Variants in GTF2IRD1 observed in about 807,000 individuals in gnomAD.
The protein encoded by GTF2IRD1 is GTF2I repeat domain containing 1.
Under a neutral mutation model 113.2 loss-of-function variants are expected in GTF2IRD1, and 26 were observed. The ratio of observed to expected loss-of-function variants is 0.23; its 90% confidence interval spans 0.17 to 0.32. The LOEUF (loss-of-function observed/expected upper bound fraction) is 0.32, where lower values mean the gene tolerates loss of function less well. GTF2IRD1 is among the 10% of genes least tolerant of loss of function. GTF2IRD1 has a pLI of 1.00. For missense variants in GTF2IRD1, 864 were observed against 1,280.8 expected (o/e 0.67, Z 4.97); for synonymous variants, 484 against 529.1 (o/e 0.91, Z 1.17).
chr7:74,558,301 G>T (rs1379462053), intron 20 of GTF2IRD1, among the ~76,000 whole-genome samples: 5 of 145,752 alleles, frequency 3.4e-5, no homozygotes, highest in Non-Finnish European at 7.5e-5. Context: ...AAAAAAAATG[G>T]AGCATATGAC....
intron 13 of GTF2IRD1, among the ~76,000 whole-genome samples, chr7:74,539,530 G>A (rs1437377265): frequency 1.3e-5 from 2 of 152,062 alleles, no homozygotes; most frequent in Non-Finnish European, 2.9e-5. Context: ...CATCACCTGA[G>A]GTCAGGAGTT....
chr7:74,565,721 G>A (rs1190233502), intron 22 of GTF2IRD1, among the ~76,000 whole-genome samples: 4 of 152,050 alleles, frequency 2.6e-5, no homozygotes, highest in African/African-American at 9.7e-5. Context: ...TATAATCCCA[G>A]CGCTTTGGGA....
At chr7:74,592,598 G>A (rs1175818796) in intron 24 of GTF2IRD1, among the ~76,000 whole-genome samples, 6 of 150,538 alleles carry the variant, frequency 4.0e-5, no homozygotes, top group South Asian at 2.1e-4. Flanking sequence ...GCAATGGCAC[G>A]ATCTCAGCTC....
intron 1 of GTF2IRD1, among the ~76,000 whole-genome samples, chr7:74,496,631 T>G (rs1584522725): frequency 6.6e-6 from 1 of 150,914 alleles, no homozygotes; most frequent in South Asian, 2.1e-4. Flanking sequence ...CGTGTGGGTG[T>G]GCATGTATGT....
intron 22 of GTF2IRD1, among the ~76,000 whole-genome samples, chr7:74,578,854 C>T (rs1297614337): frequency 1.3e-5 from 2 of 151,698 alleles, no homozygotes; most frequent in African/African-American, 2.4e-5. Context: ...AAAAATTAGC[C>T]AGGCATGGTG....
chr7:74,577,698 C>T (rs1217511964), intron 22 of GTF2IRD1, among the ~76,000 whole-genome samples: 2 of 151,858 alleles, frequency 1.3e-5, no homozygotes, highest in Admixed American at 6.6e-5. Flanking sequence ...CTTGCCCAGG[C>T]AGGAGTGCAG....
chr7:74,521,924 G>A (rs1451876696), intron 7 of GTF2IRD1, among the ~76,000 whole-genome samples: 7 of 152,152 alleles, frequency 4.6e-5, no homozygotes, highest in Admixed American at 4.6e-4. Flanking sequence ...AATGTTGGCT[G>A]GGGCTGCTGT....
At chr7:74,513,910 G>A (rs1796775336) in intron 3 of GTF2IRD1, among the ~76,000 whole-genome samples, 1 of 152,178 alleles carries the variant, frequency 6.6e-6, no homozygotes, top group Non-Finnish European at 1.5e-5. Context: ...CTGCTTGAGA[G>A]GCTGAGGCAG....
Position 74,524,087 on chromosome 7 carries a change from C to T in GTF2IRD1, c.1023C>T (p.Phe341=). ...TTTTGATAGAGAAGTGGGACGCCTT[C>T]ATAAAGGAAACCGAGGACATCAACA... ...VHDKSEKWDA[F]IKETEDINTL... is the part of the protein sequence containing the mutation. Residue 341 remains phenylalanine (F), a synonymous_variant, in exon 8 of 27, where the codon TTC becomes TTT. Transcript: ENST00000424337. The T allele has an allele frequency of 1.2e-6, 2 of 1,612,266 alleles. No individual in the cohort carries two copies. Among genetic ancestry groups the T allele is most frequent in the East Asian group, 2.2e-5 (1 of 44,810 alleles).
intron 20 of GTF2IRD1, among the ~76,000 whole-genome samples, chr7:74,558,002 A>G (rs1476512339): frequency 6.6e-6 from 1 of 152,150 alleles, no homozygotes; most frequent in Non-Finnish European, 1.5e-5. Context: ...GGCCCGGCAC[A>G]GTGGCTCCTG....
chr7:74,463,987 G>A (rs540309273), intron 1 of GTF2IRD1, among the ~76,000 whole-genome samples: 103 of 152,238 alleles, frequency 6.8e-4, no homozygotes, highest in Middle Eastern at 3.4e-3. Context: ...GCCTCCCAGA[G>A]TGCTGGAATT....
intron 1 of GTF2IRD1, among the ~76,000 whole-genome samples, chr7:74,500,417 T>C (rs1336516498): frequency 6.6e-6 from 1 of 150,820 alleles, no homozygotes; most frequent in Non-Finnish European, 1.5e-5. Flanking sequence ...ACCCTATCTG[T>C]TTTGTTAAAA....
chr7:74,505,105 G>A (rs1214887824), intron 1 of GTF2IRD1, among the ~76,000 whole-genome samples: 2 of 151,962 alleles, frequency 1.3e-5, no homozygotes, highest in Admixed American at 6.6e-5. Context: ...CTACAGCCTC[G>A]AGCTCCTTGT....
intron 22 of GTF2IRD1, among the ~76,000 whole-genome samples, chr7:74,568,110 A>G (rs1554361250): frequency 6.6e-6 from 1 of 151,872 alleles, no homozygotes; most frequent in Non-Finnish European, 1.5e-5. Flanking sequence ...AGAGGTAGGA[A>G]CAGCAGCTGC....
At chr7:74,482,837 A>G (rs1389932500) in intron 1 of GTF2IRD1, among the ~76,000 whole-genome samples, 2 of 152,150 alleles carry the variant, frequency 1.3e-5, no homozygotes, top group Non-Finnish European at 2.9e-5. Flanking sequence ...TGGTTTGCTC[A>G]TACGTCTGAT....
intron 9 of GTF2IRD1, among the ~76,000 whole-genome samples, chr7:74,530,976 G>T (rs1272527111): frequency 6.6e-6 from 1 of 151,624 alleles, no homozygotes; most frequent in Non-Finnish European, 1.5e-5. Context: ...GGCTGAGATG[G>T]GAGGATCACT....
chr7:74,546,885 G>A (rs1288072603), intron 16 of GTF2IRD1, among the ~76,000 whole-genome samples: 1 of 152,186 alleles, frequency 6.6e-6, no homozygotes, highest in African/African-American at 2.4e-5. Flanking sequence ...TGGCTCTGCT[G>A]TTCAGTGGCT....
intron 6 of GTF2IRD1, 68 bp from the exon 7 acceptor site, chr7:74,521,140 C>A: frequency 6.8e-6 from 6 of 878,934 alleles, no homozygotes; most frequent in Non-Finnish European, 1.2e-5. Flanking sequence ...GGCCTGTGCA[C>A]TGGGGCCAGA....
intron 22 of GTF2IRD1, among the ~76,000 whole-genome samples, chr7:74,585,840 C>T (rs1397152005): frequency 1.3e-5 from 2 of 151,768 alleles, no homozygotes; most frequent in East Asian, 1.9e-4. Flanking sequence ...CAAGATCGCA[C>T]CACTGCACTC....
Sources: allele counts gnomAD v4.1 joint callset (sites outside exome capture counted in the v4.1 genomes callset), GRCh38; gene constraint gnomAD v4.1.1; transcripts MANE v1.5; gene names NCBI Gene and HGNC (gene_info 2026-07-23, HGNC 2026-07-21).